Variants in NLN observed in about 807,000 individuals in gnomAD.
NLN encodes neurolysin, mitochondrial.
In NLN, 64 loss-of-function variants were observed where a neutral mutation model predicts 79.9. The ratio of observed to expected loss-of-function variants is 0.80; its 90% CI spans 0.65 to 0.99. The LOEUF is 0.99. Ranked by LOEUF, NLN falls within the 50% of genes least tolerant of loss-of-function variation. NLN has a pLI of 0.00. For synonymous variants in NLN, 267 were observed against 296.6 expected (o/e 0.90, Z 1.02); for missense variants, 835 against 858.7 (o/e 0.97, Z 0.34).
intron 12 of NLN, among the ~76,000 whole-genome samples, chr5:65,814,544 A>C (rs929505667): frequency 6.6e-6 from 1 of 152,262 alleles, no homozygotes; most frequent in East Asian, 1.9e-4. Context: ...TCCAAAACCA[A>C]AAGTGATCTT....
At chr5:65,732,251 T>G (rs1758626520) in intron 1 of NLN, among the ~76,000 whole-genome samples, 2 of 152,106 alleles carry the variant, frequency 1.3e-5, no homozygotes, top group Non-Finnish European at 2.9e-5. Context: ...CACCATAGCT[T>G]ACATTAGAAA....
At chr5:65,785,662 A>G in intron 6 of NLN, 113 bp from the exon 7 acceptor site, 2 of 855,166 alleles carry the variant, frequency 2.3e-6, no homozygotes, top group Non-Finnish European at 3.5e-6. Flanking sequence ...TAAATGGTCT[A>G]AAAATATTTG....
At chr5:65,764,091 C>A (rs1759400327) in intron 3 of NLN, among the ~76,000 whole-genome samples, 1 of 152,022 alleles carries the variant, frequency 6.6e-6, no homozygotes, top group Non-Finnish European at 1.5e-5. Context: ...TTTATTTCAT[C>A]CCCAAATTAC....
chr5:65,758,375 T>C (rs1759265844), intron 1 of NLN, among the ~76,000 whole-genome samples, 192 bp from the exon 2 acceptor site: 1 of 152,218 alleles, frequency 6.6e-6, no homozygotes, highest in Non-Finnish European at 1.5e-5. Context: ...ATTAAAACTA[T>C]GTAATTATGC....
In NLN at chr5:65,758,747, T is replaced by G. The variant is rs1385711088; in HGVS notation, c.222T>G (p.Ala74=). ...TGCAGACCAAACAGGTGTACGATGCTGTTGGAATGCTCGGTATTGAGGAAG... is the reference window on the plus strand; with the variant it reads ...TGCAGACCAAACAGGTGTACGATGCGGTTGGAATGCTCGGTATTGAGGAAG... ...LIVQTKQVYD[A]VGMLGIEEVT... Residue 74 remains alanine, a synonymous_variant, in exon 2 of 13, where the codon GCT becomes GCG. Coordinates refer to ENST00000380985, the MANE Select transcript of NLN (RefSeq NM_020726.5). 6.2e-7 allele frequency: 1 copy of G among 1,613,710 alleles called. No homozygotes were observed. Among genetic ancestry groups the G allele is most frequent in the East Asian group, 2.2e-5 (1 of 44,876 alleles).
intron 9 of NLN, among the ~76,000 whole-genome samples, chr5:65,805,655 A>G (rs1342295021): frequency 2.0e-5 from 3 of 152,286 alleles, no homozygotes; most frequent in Non-Finnish European, 4.4e-5. Flanking sequence ...AGCTGTTTCC[A>G]TAACATAAAA....
At chr5:65,807,059 C>T (rs1199837167) in intron 9 of NLN, among the ~76,000 whole-genome samples, 1 of 151,864 alleles carries the variant, frequency 6.6e-6, no homozygotes, top group Non-Finnish European at 1.5e-5. Flanking sequence ...CACCTGTAGT[C>T]CCAGCTACTA....
At chr5:65,810,733 A>G (rs1327011236) in intron 11 of NLN, among the ~76,000 whole-genome samples, 1 of 152,072 alleles carries the variant, frequency 6.6e-6, no homozygotes, top group Admixed American at 6.6e-5. Context: ...TAATCCCAGC[A>G]CTTTGGGAGG....
chr5:65,762,837 C>A, intron 2 of NLN, 123 bp from the exon 3 acceptor site: 1 of 917,032 alleles, frequency 1.1e-6, no homozygotes, highest in Non-Finnish European at 1.6e-6. Context: ...GGAGGCTTTA[C>A]AGAAAGTATA....
chr5:65,748,505 AT>A (rs1006160761), intron 1 of NLN, among the ~76,000 whole-genome samples: 78 of 152,228 alleles, frequency 5.1e-4, no homozygotes, highest in African/African-American at 1.8e-3. Flanking sequence ...CATGCCTGTA[AT>A]CCCAGCACTT....
chr5:65,764,187 T>C (rs1447218410), intron 3 of NLN, among the ~76,000 whole-genome samples: 1 of 152,222 alleles, frequency 6.6e-6, no homozygotes, highest in Non-Finnish European at 1.5e-5. Context: ...ATTTTCATCA[T>C]GATTTCTAAG....
chr5:65,821,561 CTT>C lies in NLN; in HGVS notation c.1981-1218_1981-1217del, dbSNP rs370565444. On this transcript the variant is annotated intron_variant, in intron 12 of 12. Transcript: ENST00000380985. ...TAATTTTACCTATTTGTTTCTTTAA[CTT>C]TAAAAAAATGTGGTTAGTAGAAAGT... is the stretch of plus-strand genomic sequence containing the variant. 7.1e-3 allele frequency among the ~76,000 whole-genome samples: 1,085 copies of C among 152,214 alleles called. 9 individuals carry two copies. Among genetic ancestry groups the C allele is most frequent in the African/African-American group, 0.023 (947 of 41,528 alleles).
intron 1 of NLN, chr5:65,740,935 G>A (rs897706168): frequency 7.5e-5 from 12 of 160,304 alleles, no homozygotes; most frequent in Admixed American, 2.7e-4. Context: ...GTGCAGTGGC[G>A]TGATCTTGGC....
Position 65,827,921 on chromosome 5 carries a change from G to T in NLN, c.*5006G>T, listed in dbSNP as rs1293014589. ...ACTCCCAGCTACTCAGGAGGCTGAGGCAGAAGAATCATTTGAACCCCGGAG... is the reference window on the plus strand; with the variant it reads ...ACTCCCAGCTACTCAGGAGGCTGAGTCAGAAGAATCATTTGAACCCCGGAG... On this transcript the variant is annotated 3_prime_UTR_variant, in exon 13 of 13. Coordinates refer to ENST00000380985, the MANE Select transcript of NLN (RefSeq NM_020726.5). 2.0e-5 allele frequency: 3 copies of T among 152,246 alleles called. No homozygotes were observed. Among genetic ancestry groups the T allele is most frequent in the Non-Finnish European group, 4.4e-5 (3 of 68,074 alleles). The allele number at this position is 152,246 out of a possible 1,614,324, so 9.4% of individuals were successfully genotyped here. A position where few individuals can be genotyped will look rare whatever the true frequency, so the allele number is the denominator to read the frequency against.
At chr5:65,794,088 C>T (rs1187037844) in intron 9 of NLN, among the ~76,000 whole-genome samples, 1 of 152,116 alleles carries the variant, frequency 6.6e-6, no homozygotes, top group East Asian at 1.9e-4. Context: ...ATGAAGTATG[C>T]TGGAGGTTTG....
intron 4 of NLN, among the ~76,000 whole-genome samples, chr5:65,778,481 T>A (rs1759727339): frequency 6.6e-6 from 1 of 152,176 alleles, no homozygotes; most frequent in African/African-American, 2.4e-5. Flanking sequence ...ATCCTCTTCC[T>A]TCACTGAGTT....
chr5:65,759,912 A>C (rs1029311265), intron 2 of NLN, among the ~76,000 whole-genome samples: 2 of 152,120 alleles, frequency 1.3e-5, no homozygotes, highest in African/African-American at 4.8e-5. Context: ...TTTATAACAT[A>C]TTAGACCCTT....
rs140329308 is a variant in NLN at position 65,765,506 on chromosome 5, A to G, written c.450+2398A>G. Among the ~76,000 whole-genome samples the G allele has an allele frequency of 4.8e-3, 738 of 152,236 alleles. 5 individuals are homozygous for G. The highest frequency in any genetic ancestry group is 0.017 in the African/African-American group (705 of 41,538). On this transcript the variant is annotated intron_variant, in intron 3 of 12. Transcript: ENST00000380985. ...GGGCTCCAGCCTGGGCAACAAGAGC[A>G]AAACTTCATCTCAAAAAAATAAAAA...
chr5:65,813,507 A>G (rs1400410512), intron 12 of NLN, among the ~76,000 whole-genome samples: 1 of 152,048 alleles, frequency 6.6e-6, no homozygotes, highest in Non-Finnish European at 1.5e-5. Context: ...AAAGTCATGC[A>G]TGTAGCCTGA....
Sources: gnomAD v4.1 joint callset for allele counts (sites outside exome capture counted in the v4.1 genomes callset) on GRCh38, gnomAD v4.1.1 for gene constraint, MANE v1.5 for transcripts, NCBI Gene and HGNC (gene_info 2026-07-23, HGNC 2026-07-21) for gene names.